PITPNM1: variants seen among roughly 807,000 people sequenced by gnomAD.
PITPNM1 encodes the protein membrane-associated phosphatidylinositol transfer protein 1.
Under a neutral mutation model 133.3 loss-of-function variants are expected in PITPNM1, and 74 were observed. The ratio of observed to expected loss-of-function variants is 0.56; its 90% CI spans 0.46 to 0.67. The LOEUF (loss-of-function observed/expected upper bound fraction) is 0.67, where lower values mean the gene tolerates loss of function less well. PITPNM1 is among the 30% of genes least tolerant of loss of function. PITPNM1 has a pLI of 0.00. For missense variants in PITPNM1, 1,398 were observed against 1,739.5 expected (o/e 0.80, Z 3.49); for synonymous variants, 738 against 741.4 (o/e 1.00, Z 0.08).
At chr11:67,500,539 A>G in intron 5 of PITPNM1, 118 bp from the exon 6 acceptor site, 1 of 972,970 alleles carries the variant, frequency 1.0e-6, no homozygotes, top group Admixed American at 2.2e-5. Context: ...ACCCAGAGCC[A>G]CAAAGTAGGG....
In PITPNM1 at chr11:67,497,366, C is replaced by CG. The variant is rs1565191300; in HGVS notation, c.2010dup (p.Ala671ArgfsTer8). ...CCGTCAGGTGCCTCGGAACTGGCAG[C>CG]GGGTGGGCAGAAGGCCGTGCTTGCC... On this transcript the variant is annotated frameshift_variant, in exon 14 of 24. Transcript: ENST00000356404. LOFTEE classifies it high-confidence loss of function. The CG allele has an allele frequency of 6.2e-7, 1 of 1,601,356 alleles. No individual in the cohort carries two copies. Among genetic ancestry groups the CG allele is most frequent in the Non-Finnish European group, 8.5e-7 (1 of 1,172,402 alleles).
At chr11:67,496,952 A>C in intron 14 of PITPNM1, 2 of 286,214 alleles carry the variant, frequency 7.0e-6, no homozygotes. Context: ...AAAAAGGCTG[A>C]GAAGAGGGCA....
At position 67,502,350 on chromosome 11, in the gene PITPNM1, C is replaced by T. The variant is rs779121237; in HGVS notation, c.357G>A (p.Gly119=). The change falls in exon 4 of 24, where the codon GGG becomes GGA. Residue 119 remains glycine, a synonymous_variant. Transcript: ENST00000356404. This position sits in a 1 kb window ranked among gnomAD's most constrained non-coding sequence, Gnocchi z 5.9. Reference sequence around the variant, plus strand: ...GGTTGAAGACGTTTGGCTGCTGCCCCCCATCAGGCAGGTAATAGGTCTCAA... The same window carrying T: ...GGTTGAAGACGTTTGGCTGCTGCCCTCCATCAGGCAGGTAATAGGTCTCAA... ...IEIETYYLPD[G]GQQPNVFNLS... 17 of 1,613,634 alleles carry T rather than the reference C, an allele frequency of 1.1e-5. No homozygotes were observed. Among genetic ancestry groups the T allele is most frequent in the Middle Eastern group, 1.6e-4 (1 of 6,084 alleles).
rs1456596752 is a variant in PITPNM1 at position 67,494,268 on chromosome 11, G to A, written c.2835C>T (p.Asp945=). 4 of 1,612,674 alleles carry A rather than the reference G, an allele frequency of 2.5e-6. No individual in the cohort carries two copies. The highest frequency in any genetic ancestry group is 3.4e-6 in the Non-Finnish European group (4 of 1,179,838). ...CCTTCTCTCCAGTGAGCGTGACGACGTCCAGGGGCCCGTACATGAAGCGCC... is the reference window on the plus strand; with the variant it reads ...CCTTCTCTCCAGTGAGCGTGACGACATCCAGGGGCCCGTACATGAAGCGCC... ...LSGRFMYGPL[D]VVTLTGEKVD... The change falls in exon 19 of 24, where the codon GAC becomes GAT. Residue 945 remains aspartate, a synonymous_variant. Transcript: ENST00000356404.
chr11:67,495,655 T>C, intron 15 of PITPNM1, 53 bp from the exon 16 acceptor site: 1 of 1,479,342 alleles, frequency 6.8e-7, no homozygotes, highest in South Asian at 1.4e-5. Context: ...CTCTCCTGTC[T>C]TCTCACCCAG....
chr11:67,501,990 G>C lies in PITPNM1; in HGVS notation c.512C>G (p.Pro171Arg). 1 of 1,613,518 alleles carries C rather than the reference G, an allele frequency of 6.2e-7. No homozygotes were observed. The highest frequency in any genetic ancestry group is 8.5e-7 in the Non-Finnish European group (1 of 1,180,020). Residue 171 changes from proline (P) to arginine (R), a missense_variant, in exon 5 of 24, where the codon CCA becomes CGA. By Grantham distance (103) the Pro-to-Arg change is moderately radical (BLOSUM62 -2). Transcript: ENST00000356404. ...LYHSVKTGRG[P>R]LSDDWARTAA... ...CGTCCGTGCCCAGTCATCAGACAGT[G>C]GCCCTCGGCCCGTCTTGACCGAGTG...
intron 23 of PITPNM1, 48 bp downstream of exon 23, chr11:67,492,886 C>T: frequency 3.8e-6 from 6 of 1,590,968 alleles, no homozygotes; most frequent in Non-Finnish European, 8.6e-7. Flanking sequence ...GGACTGAGGG[C>T]CCTGCCCCCT....
At chr11:67,501,711 G>C (rs1866325872) in intron 5 of PITPNM1, 151 bp downstream of exon 5, 4 of 656,850 alleles carry the variant, frequency 6.1e-6, no homozygotes, top group Non-Finnish European at 1.0e-5. Flanking sequence ...TGGCTAGGCT[G>C]TGCGGCCGCT....
Position 67,496,558 on chromosome 11 carries a change from G to A in PITPNM1, c.2147-210C>T, listed in dbSNP as rs188812324. 9.6e-4 allele frequency: 499 copies of A among 522,272 alleles called. 10 individuals carry two copies. The East Asian group carries it at 0.017, about 17-fold the overall frequency. 32.4% of individuals were successfully genotyped at this position (522,272 alleles called of 1,614,324 possible). A position where few individuals can be genotyped will look rare whatever the true frequency, so the allele number is the denominator to read the frequency against. ...CTCATGCCTGGAATCCCAGTACTGC[G>A]GGAGGCAGAAGCAGATGGATCACTT... is the stretch of plus-strand genomic sequence containing the variant. On this transcript the variant is annotated intron_variant, in intron 14 of 23. Transcript: ENST00000356404.
In PITPNM1 at chr11:67,492,255, T is replaced by C; in HGVS notation, c.3513A>G (p.Glu1171=). Residue 1171 remains glutamate (E), a synonymous_variant, in exon 24 of 24, where the codon GAA becomes GAG. Coordinates refer to ENST00000356404, the MANE Select transcript of PITPNM1 (RefSeq NM_004910.3). ...AGGAGGCATGCGAGTGCGAGCCCGC[T>C]TCCAGCTGGCCCAGGTGGGCCACAT... ...DGYVAHLGQL[E]AGSHSHASSG... 1 of 1,595,298 alleles carries C rather than the reference T, an allele frequency of 6.3e-7. No individual in the cohort carries two copies. Among genetic ancestry groups the C allele is most frequent in the Admixed American group, 1.7e-5 (1 of 58,392 alleles).
Position 67,497,991 on chromosome 11 carries a change from G to A in PITPNM1, c.1708C>T (p.Leu570=). ...CTGTGGCAGAGTGCATCAAAGCCCA[G>A]GATGCCACCAACACCATCTCCAATC... ...ALIGDGVGGI[L]GFDALCHSAN... The change falls in exon 12 of 24, where the codon CTG becomes TTG. Residue 570 remains leucine, a synonymous_variant. Coordinates refer to ENST00000356404, the MANE Select transcript of PITPNM1 (RefSeq NM_004910.3). The A allele has an allele frequency of 6.2e-7, 1 of 1,610,962 alleles. No homozygotes were observed. The highest frequency in any genetic ancestry group is 8.5e-7 in the Non-Finnish European group (1 of 1,180,002).
chr11:67,501,833 AG>A lies in PITPNM1; in HGVS notation c.640+28del, dbSNP rs769961596. 14 of 1,596,364 alleles carry A rather than the reference AG, an allele frequency of 8.8e-6. No homozygotes were observed. The South Asian group carries it at 1.5e-4, about 18-fold the overall frequency. ...CATGGGGTCTGGGGCATGCTGGGTA[AG>A]TGGGACCTCCCGCAGCTGGGTGCTC... On this transcript the variant is annotated intron_variant, in intron 5 of 23. Transcript: ENST00000356404.
chr11:67,501,916 C>T lies in PITPNM1; in HGVS notation c.586G>A (p.Glu196Lys). The change falls in exon 5 of 24, where the codon GAG (glutamate) becomes AAG (lysine). Residue 196 changes from glutamate (E) to lysine (K), a missense_variant. Physicochemically the swap from Glu to Lys is moderately conservative, Grantham distance 56 (BLOSUM62 1). This residue lies in a region of PITPNM1 where 274 missense variants were observed against 360.7 expected (regional missense o/e 0.76). Transcript: ENST00000356404. ...GCTTGCATGCCCCAGTAGCGGAACT[C>T]AACCTTGCACAGCTTATAGGCACAC... ...LMCAYKLCKVEFRYWGMQAKI... is the reference protein window; with the variant it reads ...LMCAYKLCKVKFRYWGMQAKI... 2.5e-6 allele frequency: 4 copies of T among 1,613,602 alleles called. No homozygotes were observed. Among genetic ancestry groups the T allele is most frequent in the Non-Finnish European group, 3.4e-6 (4 of 1,180,022 alleles).
Position 67,504,234 on chromosome 11 carries a change from A to C in PITPNM1, c.-41-13T>G. The C allele has an allele frequency of 7.4e-7, 1 of 1,358,632 alleles. No individual in the cohort carries two copies. The highest frequency in any genetic ancestry group is 1.0e-6 in the Non-Finnish European group (1 of 995,810). 84.2% of individuals were successfully genotyped at this position (1,358,632 alleles called of 1,614,324 possible). On this transcript the variant is annotated splice_polypyrimidine_tract_variant and intron_variant, in intron 1 of 23. Transcript: ENST00000356404. The surrounding 1 kb of genome is among the most constrained non-coding windows in gnomAD (Gnocchi z 5.4). The stretch of plus-strand genomic sequence containing the variant: ...GCCTCCGCTCCTCCTGGCGCAGGGC[A>C]CGGCGCGACAGTCAGTGCGGGGAGG...
chr11:67,501,754 C>T (rs753216169), intron 5 of PITPNM1, 108 bp downstream of exon 5: 9 of 979,874 alleles, frequency 9.2e-6, no homozygotes, highest in Non-Finnish European at 1.4e-5. Flanking sequence ...CAAATGGAAA[C>T]GATGGCTTTC....
In PITPNM1 at chr11:67,502,335, G is replaced by A. The variant is rs780195336; in HGVS notation, c.372C>T (p.Asn124=). ...TCTCGGCCCCGCTCAGGTTGAAGAC[G>A]TTTGGCTGCTGCCCCCCATCAGGCA... ...YYLPDGGQQP[N]VFNLSGAERR... The change falls in exon 4 of 24, where the codon AAC becomes AAT. Residue 124 remains asparagine, a synonymous_variant. Coordinates refer to ENST00000356404, the MANE Select transcript of PITPNM1 (RefSeq NM_004910.3). This position sits in a 1 kb window ranked among gnomAD's most constrained non-coding sequence, Gnocchi z 5.9. 1.2e-5 allele frequency: 20 copies of A among 1,613,586 alleles called. No homozygotes were observed. Among genetic ancestry groups the A allele is most frequent in the African/African-American group, 5.3e-5 (4 of 74,926 alleles).
Position 67,500,260 on chromosome 11 carries a change from C to T in PITPNM1, c.802G>A (p.Ala268Thr), listed in dbSNP as rs1866283010. The change falls in exon 6 of 24, where the codon GCC (alanine) becomes ACC (threonine). Residue 268 changes from alanine to threonine, a missense_variant. Physicochemically the swap from Ala to Thr is moderately conservative, Grantham distance 58. Transcript: ENST00000356404. ...KCNTGSEGSE[A>T]QPPGKPSTEA... is the part of the protein sequence containing the mutation. Reference sequence around the variant, plus strand: ...GTGCTCGGTTTCCCGGGGGGCTGGGCCTCGGACCCCTCACTGCCTGTGTTG... The same window carrying T: ...GTGCTCGGTTTCCCGGGGGGCTGGGTCTCGGACCCCTCACTGCCTGTGTTG... 6.2e-7 allele frequency: 1 copy of T among 1,607,476 alleles called. No homozygotes were observed. Among genetic ancestry groups the T allele is most frequent in the South Asian group, 1.1e-5 (1 of 91,078 alleles).
In PITPNM1 at chr11:67,502,824, C is replaced by A; in HGVS notation, c.79-106G>T. On this transcript the variant is annotated intron_variant, in intron 2 of 23. Coordinates refer to ENST00000356404, the MANE Select transcript of PITPNM1 (RefSeq NM_004910.3). This position sits in a 1 kb window ranked among gnomAD's most constrained non-coding sequence, Gnocchi z 5.9. Reference sequence around the variant, plus strand: ...ACAGCTCTGGGGCCCTGGTCCCAGCCTTTTCAACTCCCTGAAACCAGACCC... The same window carrying A: ...ACAGCTCTGGGGCCCTGGTCCCAGCATTTTCAACTCCCTGAAACCAGACCC... The A allele has an allele frequency of 1.8e-6, 2 of 1,107,718 alleles. No homozygotes were observed. Among genetic ancestry groups the A allele is most frequent in the Admixed American group, 2.2e-5 (1 of 46,162 alleles). 68.6% of individuals were successfully genotyped at this position (1,107,718 alleles called of 1,614,324 possible). A position where few individuals can be genotyped will look rare whatever the true frequency, so the allele number is the denominator to read the frequency against.
In PITPNM1 at chr11:67,495,423, G is replaced by A. The variant is rs776196380; in HGVS notation, c.2482+15C>T. On this transcript the variant is annotated intron_variant, in intron 16 of 23. Transcript: ENST00000356404. The stretch of plus-strand genomic sequence containing the variant: ...CCCCACCCCCAGGCTGGACTGCCTA[G>A]GCTGGCTGACTTACTCTTAACCACC... 1.3e-6 allele frequency: 2 copies of A among 1,490,970 alleles called. No homozygotes were observed. Among genetic ancestry groups the A allele is most frequent in the Non-Finnish European group, 1.8e-6 (2 of 1,116,606 alleles). The allele number at this position is 1,490,970 out of a possible 1,614,324, so 92.4% of individuals were successfully genotyped here.
Sources: gnomAD v4.1 joint callset for allele counts on GRCh38, gnomAD v4.1.1 for gene constraint, gnomAD v4.1.1 regional missense constraint, Gnocchi (gnomAD v3.1) non-coding constraint, MANE v1.5 for transcripts, NCBI Gene and HGNC (gene_info 2026-07-23, HGNC 2026-07-21) for gene names.